GALNTL6: variants seen among roughly 807,000 people sequenced by gnomAD.
The protein encoded by GALNTL6 is polypeptide N-acetylgalactosaminyltransferase-like 6.
A neutral mutation model predicts 73.7 loss-of-function variants in GALNTL6; 46 were observed. The observed-to-expected ratio is 0.62, with a 90% CI of 0.49 to 0.80. GALNTL6 has a LOEUF of 0.80. GALNTL6 is among the 30% of genes least tolerant of loss of function. The pLI is 0.00. For synonymous variants in GALNTL6, 259 were observed against 263.7 expected, an observed-to-expected ratio of 0.98 and a Z score of 0.17; for missense variants, 604 against 755.0, an observed-to-expected ratio of 0.80 and a Z score of 2.34.
chr4:172,173,341 G>A (rs759446202), intron 2 of GALNTL6, among the ~76,000 whole-genome samples: 3 of 152,198 alleles, frequency 2.0e-5, no homozygotes, highest in Non-Finnish European at 2.9e-5. Context: ...GGAACTGGGG[G>A]AGGAGGGCTC....
intron 5 of GALNTL6, among the ~76,000 whole-genome samples, chr4:172,691,773 A>G (rs1733312695): frequency 6.6e-6 from 1 of 152,270 alleles, no homozygotes; most frequent in South Asian, 2.1e-4. Context: ...GGAGTCTGGC[A>G]GTACTGTGAT....
intron 5 of GALNTL6, among the ~76,000 whole-genome samples, chr4:172,671,117 T>C (rs973620606): frequency 1.3e-5 from 2 of 152,138 alleles, no homozygotes; most frequent in African/African-American, 4.8e-5. Flanking sequence ...TGATTAGAAT[T>C]GCCTTAGCTA....
chr4:172,631,535 A>G (rs1739396709), intron 5 of GALNTL6, among the ~76,000 whole-genome samples: 1 of 152,230 alleles, frequency 6.6e-6, no homozygotes, highest in Non-Finnish European at 1.5e-5. Flanking sequence ...TGTCAATATC[A>G]TTATTTAACT....
intron 2 of GALNTL6, among the ~76,000 whole-genome samples, chr4:171,880,927 G>C (rs1736429167): frequency 6.6e-6 from 1 of 151,964 alleles, no homozygotes; most frequent in Non-Finnish European, 1.5e-5. Context: ...CCTGTACTAA[G>C]CTCGAAACTA....
chr4:172,217,094 T>G (rs1454091563), intron 2 of GALNTL6, among the ~76,000 whole-genome samples: 1 of 152,178 alleles, frequency 6.6e-6, no homozygotes, highest in Non-Finnish European at 1.5e-5. Context: ...TGGCTGCCCT[T>G]AGACACAACA....
intron 2 of GALNTL6, among the ~76,000 whole-genome samples, chr4:171,983,659 G>A (rs1029640915): frequency 2.6e-5 from 4 of 151,886 alleles, no homozygotes; most frequent in African/African-American, 9.7e-5. Context: ...GCCTGGCCTT[G>A]AAATTCTTAA....
At chr4:172,771,084 A>G (rs954702406) in intron 5 of GALNTL6, among the ~76,000 whole-genome samples, 1 of 152,218 alleles carries the variant, frequency 6.6e-6, no homozygotes, top group Non-Finnish European at 1.5e-5. Flanking sequence ...AGTTTTGACA[A>G]TTCAAATATA....
intron 5 of GALNTL6, among the ~76,000 whole-genome samples, chr4:172,492,450 A>G (rs988854842): frequency 1.3e-5 from 2 of 152,170 alleles, no homozygotes; most frequent in African/African-American, 4.8e-5. Flanking sequence ...GACATGTACA[A>G]TAGTATTCAA....
chr4:172,576,563 A>G (rs1380863628), intron 5 of GALNTL6, among the ~76,000 whole-genome samples: 2 of 152,188 alleles, frequency 1.3e-5, no homozygotes, highest in Admixed American at 6.5e-5. Context: ...CTCCATGATT[A>G]CAAATCAATT....
intron 4 of GALNTL6, among the ~76,000 whole-genome samples, chr4:172,313,194 C>T (rs1740425548): frequency 7.0e-6 from 1 of 142,970 alleles, no homozygotes; most frequent in Admixed American, 7.4e-5. Context: ...GGCTTGATCT[C>T]GGCTCACTGC....
At chr4:172,598,348 T>C (rs1737939224) in intron 5 of GALNTL6, among the ~76,000 whole-genome samples, 1 of 152,138 alleles carries the variant, frequency 6.6e-6, no homozygotes, top group Non-Finnish European at 1.5e-5. Flanking sequence ...TCATAATTAT[T>C]TCTTGCTTCT....
chr4:172,987,619 G>A (rs1579747604), intron 10 of GALNTL6, among the ~76,000 whole-genome samples: 1 of 152,202 alleles, frequency 6.6e-6, no homozygotes, highest in Non-Finnish European at 1.5e-5. Flanking sequence ...CTAATCTCAT[G>A]TTGAATTATA....
At chr4:171,879,553 G>T (rs1438807644) in intron 2 of GALNTL6, among the ~76,000 whole-genome samples, 2 of 152,048 alleles carry the variant, frequency 1.3e-5, no homozygotes, top group Non-Finnish European at 2.9e-5. Context: ...TATTATTTTA[G>T]TACACATGAA....
chr4:171,924,213 C>A (rs868472577), intron 2 of GALNTL6, among the ~76,000 whole-genome samples: 22 of 141,102 alleles, frequency 1.6e-4, no homozygotes, highest in African/African-American at 6.1e-4. Flanking sequence ...CACACACACA[C>A]AAACACACAC....
chr4:171,971,534 C>CA (rs1369925590), intron 2 of GALNTL6, among the ~76,000 whole-genome samples: 1 of 151,834 alleles, frequency 6.6e-6, no homozygotes, highest in African/African-American at 2.4e-5. Flanking sequence ...GGCTTGGTTC[C>CA]AAAAAAGGCT....
intron 5 of GALNTL6, among the ~76,000 whole-genome samples, chr4:172,632,306 G>A (rs930123938): frequency 1.3e-5 from 2 of 152,172 alleles, no homozygotes; most frequent in Admixed American, 1.3e-4. Flanking sequence ...GAAGAGGACG[G>A]GAACATGTGG....
chr4:171,988,114 A>T (rs529328389), intron 2 of GALNTL6, among the ~76,000 whole-genome samples: 1 of 152,310 alleles, frequency 6.6e-6, no homozygotes, highest in African/African-American at 2.4e-5. Context: ...AGCAGCAGCC[A>T]CTGCACGCAG....
chr4:171,830,708 C>T (rs1448643107), intron 2 of GALNTL6, among the ~76,000 whole-genome samples: 1 of 152,086 alleles, frequency 6.6e-6, no homozygotes, highest in Non-Finnish European at 1.5e-5. Context: ...TGTAAGATTT[C>T]ATCAGACATA....
intron 2 of GALNTL6, among the ~76,000 whole-genome samples, chr4:171,928,250 C>T (rs1229600759): frequency 1.3e-5 from 2 of 151,994 alleles, no homozygotes; most frequent in Non-Finnish European, 2.9e-5. Flanking sequence ...TCATGGAATC[C>T]TCATGACAAC....
Sources: gnomAD v4.1 joint callset for allele counts (sites outside exome capture counted in the v4.1 genomes callset) on GRCh38, gnomAD v4.1.1 for gene constraint, MANE v1.5 for transcripts, NCBI Gene and HGNC (gene_info 2026-07-23, HGNC 2026-07-21) for gene names.